Variants in OPRK1 observed in about 807,000 individuals in gnomAD.
The protein encoded by OPRK1 is opioid receptor kappa 1.
OPRK1 carries 15 observed loss-of-function variants against 24.5 expected under a neutral mutation model. The ratio of observed to expected loss-of-function variants is 0.61; its 90% confidence interval spans 0.41 to 0.94. OPRK1 has a LOEUF of 0.94. OPRK1 is among the 40% of genes least tolerant of loss of function. The pLI is 0.00. For missense variants in OPRK1, 479 were observed against 507.3 expected, an observed-to-expected ratio of 0.94 and a Z score of 0.54; for synonymous variants, 205 against 198.0, an observed-to-expected ratio of 1.04 and a Z score of -0.30.
intron 2 of OPRK1, among the ~76,000 whole-genome samples, chr8:53,246,026 G>A (rs1433549641): frequency 6.6e-6 from 1 of 152,154 alleles, no homozygotes; most frequent in Non-Finnish European, 1.5e-5. Context: ...ATCCTCTACT[G>A]GTCCTGCTTC....
chr8:53,231,685 C>T (rs1806857407), intron 3 of OPRK1, among the ~76,000 whole-genome samples: 1 of 152,154 alleles, frequency 6.6e-6, no homozygotes, highest in Admixed American at 6.5e-5. Flanking sequence ...TCCCTGGCAC[C>T]TAGGGTAGTA....
Position 53,227,322 on chromosome 8 carries a change from C to A in OPRK1, c.*1975G>T, listed in dbSNP as rs1322491929. 1 of 151,282 alleles carries A rather than the reference C, an allele frequency of 6.6e-6. No homozygotes were observed. The highest frequency in any genetic ancestry group is 1.9e-4 in the East Asian group (1 of 5,140). 9.4% of individuals were successfully genotyped at this position (151,282 alleles called of 1,614,324 possible). ...AGGAAACACACTACTGTGATTTCAT[C>A]TCATAATCCTATCTCTGTTATACTT... On this transcript the variant is annotated 3_prime_UTR_variant, in exon 4 of 4. Coordinates refer to ENST00000265572, the MANE Select transcript of OPRK1 (RefSeq NM_000912.5).
intron 2 of OPRK1, 50 bp from the exon 3 acceptor site, chr8:53,235,161 A>G (rs199577430): frequency 6.7e-7 from 1 of 1,491,494 alleles, no homozygotes; most frequent in Non-Finnish European, 9.2e-7. Flanking sequence ...AGTCAAACCC[A>G]TAAGGTGAAT....
intron 3 of OPRK1, among the ~76,000 whole-genome samples, chr8:53,233,948 A>G (rs1286573681): frequency 6.6e-6 from 1 of 152,142 alleles, no homozygotes; most frequent in African/African-American, 2.4e-5. Flanking sequence ...CTGTAATCCC[A>G]GCACTTTGGG....
At chr8:53,245,425 G>C (rs1427972703) in intron 2 of OPRK1, among the ~76,000 whole-genome samples, 1 of 152,174 alleles carries the variant, frequency 6.6e-6, no homozygotes, top group East Asian at 1.9e-4. Flanking sequence ...TTGATCTCAG[G>C]CTTCTGGCCT....
chr8:53,235,614 G>A (rs972879998), intron 2 of OPRK1, among the ~76,000 whole-genome samples: 1 of 152,078 alleles, frequency 6.6e-6, no homozygotes, highest in Non-Finnish European at 1.5e-5. Flanking sequence ...AGTTGCAATG[G>A]CTGAAACACA....
intron 2 of OPRK1, among the ~76,000 whole-genome samples, chr8:53,235,977 A>G (rs1806983069): frequency 6.6e-6 from 1 of 152,330 alleles, no homozygotes; most frequent in South Asian, 2.1e-4. Flanking sequence ...TCAAATATCC[A>G]TAGAGTATTA....
chr8:53,243,721 C>T (rs781572184), intron 2 of OPRK1, among the ~76,000 whole-genome samples: 28 of 152,186 alleles, frequency 1.8e-4, no homozygotes, highest in Non-Finnish European at 3.7e-4. Context: ...GAAAGATAGT[C>T]TCTTGAAAAT....
chr8:53,225,919 A>T lies in OPRK1; in HGVS notation c.*3378T>A, dbSNP rs1806670350. 6.6e-6 allele frequency: 1 copy of T among 152,382 alleles called. No individual in the cohort carries two copies. The highest frequency in any genetic ancestry group is 2.4e-5 in the African/African-American group (1 of 41,450). 9.4% of individuals were successfully genotyped at this position (152,382 alleles called of 1,614,324 possible). A position where few individuals can be genotyped will look rare whatever the true frequency, so the allele number is the denominator to read the frequency against. ...TACCGTTTTTGGATGTGATTTTCGT[A>T]TTTATACTGAATCATCCGAACAGCT... On this transcript the variant is annotated 3_prime_UTR_variant, in exon 4 of 4. Coordinates refer to ENST00000265572, the MANE Select transcript of OPRK1 (RefSeq NM_000912.5).
chr8:53,247,703 T>C (rs574290780), intron 2 of OPRK1, among the ~76,000 whole-genome samples: 1 of 151,706 alleles, frequency 6.6e-6, no homozygotes, highest in Non-Finnish European at 1.5e-5. Flanking sequence ...AGGATTAGAA[T>C]CATGATGGTC....
At position 53,241,902 on chromosome 8, in the gene OPRK1, C is replaced by G. The variant is rs535021378; in HGVS notation, c.258-6791G>C. Reference sequence around the variant, plus strand: ...CGGGAACAGCCAGTGCCCCTGGGAGCTGCTAAGCTCCTCCTCTCAGTTGTC... The same window carrying G: ...CGGGAACAGCCAGTGCCCCTGGGAGGTGCTAAGCTCCTCCTCTCAGTTGTC... On this transcript the variant is annotated intron_variant, in intron 2 of 3. Coordinates refer to ENST00000265572, the MANE Select transcript of OPRK1 (RefSeq NM_000912.5). 4.6e-5 allele frequency among the ~76,000 whole-genome samples: 7 copies of G among 152,334 alleles called. No individual in the cohort carries two copies. The South Asian group carries it at 1.0e-3, about 23-fold the overall frequency.
chr8:53,235,160 C>G (rs759367356), intron 2 of OPRK1, 49 bp from the exon 3 acceptor site: 1 of 1,508,008 alleles, frequency 6.6e-7, no homozygotes, highest in Non-Finnish European at 9.1e-7. Context: ...AAGTCAAACC[C>G]ATAAGGTGAA....
At chr8:53,233,859 T>C (rs1054465920) in intron 3 of OPRK1, among the ~76,000 whole-genome samples, 2 of 151,964 alleles carry the variant, frequency 1.3e-5, no homozygotes, top group South Asian at 2.1e-4. Flanking sequence ...GTGATTCCAA[T>C]GTGCAGCCCA....
Position 53,250,950 on chromosome 8 carries a change from A to G in OPRK1, c.88T>C (p.Phe30Leu), listed in dbSNP as rs1807373656. 6.2e-7 allele frequency: 1 copy of G among 1,609,966 alleles called. No homozygotes were observed. Among genetic ancestry groups the G allele is most frequent in the Admixed American group, 1.7e-5 (1 of 59,782 alleles). Reference protein sequence around the residue: ...ACLPPNSSAWFPGWAEPDSNG... With the variant: ...ACLPPNSSAWLPGWAEPDSNG... ...CTGTCGGGCTCGGCCCAGCCGGGAAACCAGGCGCTGCTGTTGGGGGGCAGG... is the reference window on the plus strand; with the variant it reads ...CTGTCGGGCTCGGCCCAGCCGGGAAGCCAGGCGCTGCTGTTGGGGGGCAGG... The change falls in exon 2 of 4, where the codon TTT becomes CTT. Residue 30 changes from phenylalanine (F) to leucine (L), a missense_variant. Phe to Leu is a conservative substitution (Grantham distance 22, BLOSUM62 0). Transcript: ENST00000265572.
intron 2 of OPRK1, 22 bp from the exon 3 acceptor site, chr8:53,235,133 C>T (rs200222697): frequency 6.3e-7 from 1 of 1,584,724 alleles, no homozygotes. Flanking sequence ...GAAACAATAG[C>T]ATTTCCCTCC....
intron 2 of OPRK1, among the ~76,000 whole-genome samples, chr8:53,237,833 G>GC (rs775492534): frequency 6.6e-6 from 1 of 152,074 alleles, no homozygotes; most frequent in Non-Finnish European, 1.5e-5. Context: ...TCATATAGCT[G>GC]AAGAAATTTA....
chr8:53,238,082 C>T (rs868404846), intron 2 of OPRK1, among the ~76,000 whole-genome samples: 6 of 152,312 alleles, frequency 3.9e-5, no homozygotes, highest in Admixed American at 2.6e-4. Context: ...ACTCTGTGAA[C>T]GTGAATATAA....
Position 53,234,860 on chromosome 8 carries a change from C to T in OPRK1, c.509G>A (p.Arg170His), listed in dbSNP as rs894364145. ...GATGATCTTTGCCTTCAAGGGTGTG[C>T]GGAAGTCCAAAGCCTTCACGGGGTG... ...VCHPVKALDF[R>H]TPLKAKIINI... The change falls in exon 3 of 4, where the codon CGC becomes CAC. Residue 170 changes from arginine to histidine, a missense_variant. By Grantham distance (29) the Arg-to-His change is conservative (BLOSUM62 0). Transcript: ENST00000265572. 1.9e-5 allele frequency: 30 copies of T among 1,614,044 alleles called. No individual in the cohort carries two copies. Among genetic ancestry groups the T allele is most frequent in the South Asian group, 3.3e-5 (3 of 91,086 alleles).
intron 2 of OPRK1, among the ~76,000 whole-genome samples, chr8:53,249,151 A>G (rs1297734446): frequency 1.3e-5 from 2 of 151,810 alleles, no homozygotes; most frequent in African/African-American, 4.8e-5. Context: ...TTCAAACTGC[A>G]GACTTCAGGG....
Sources: allele counts gnomAD v4.1 joint callset (sites outside exome capture counted in the v4.1 genomes callset), GRCh38; gene constraint gnomAD v4.1.1; transcripts MANE v1.5; gene names NCBI Gene and HGNC (gene_info 2026-07-23, HGNC 2026-07-21).